The following CSMD1 variants were observed in gnomAD, a reference collection of about 807,000 sequenced individuals.
CSMD1 encodes CUB and Sushi multiple domains 1.
Under a neutral mutation model 417.5 loss-of-function variants are expected in CSMD1, and 213 were observed. The observed-to-expected ratio is 0.51, with a 90% CI of 0.46 to 0.57. The LOEUF (loss-of-function observed/expected upper bound fraction) is 0.57, where lower values mean the gene tolerates loss of function less well. Among genes scored for constraint, CSMD1 ranks in the 20% least tolerant of loss-of-function variants. The probability of loss-of-function intolerance (pLI) is 0.00; values close to 1 mark genes in which losing one functional copy is unlikely to be tolerated. For synonymous variants in CSMD1, 2,862 were observed against 1,736.8 expected, an observed-to-expected ratio of 1.65 and a Z score of -16.11; for missense variants, 6,923 against 4,529.7, an observed-to-expected ratio of 1.53 and a Z score of -15.17.
At chr8:3,226,723 T>C (rs1798527953) in intron 27 of CSMD1, among the ~76,000 whole-genome samples, 1 of 151,616 alleles carries the variant, frequency 6.6e-6, no homozygotes, top group Admixed American at 6.6e-5. Context: ...AAAAGTGAGG[T>C]ATCCAAGCAA....
At chr8:4,868,800 T>C (rs1404469524) in intron 1 of CSMD1, among the ~76,000 whole-genome samples, 1 of 151,684 alleles carries the variant, frequency 6.6e-6, no homozygotes, top group Middle Eastern at 3.2e-3. Context: ...AAAAAGCTTG[T>C]AAAAATATCA....
intron 1 of CSMD1, among the ~76,000 whole-genome samples, chr8:4,984,667 A>G (rs904963010): frequency 1.3e-5 from 2 of 152,210 alleles, no homozygotes; most frequent in African/African-American, 4.8e-5. Flanking sequence ...TGAACTTGCC[A>G]GATAGATGGA....
In CSMD1 at chr8:4,445,893, G is replaced by C. The variant is rs115650094; in HGVS notation, c.303-25828C>G. Among the ~76,000 whole-genome samples the C allele has an allele frequency of 5.3e-3, 810 of 152,294 alleles. 4 individuals carry two copies. Among genetic ancestry groups the C allele is most frequent in the African/African-American group, 0.019 (787 of 41,556 alleles). Reference sequence around the variant, plus strand: ...CTGGAGAAGGGCACAAGAGGAGAGAGCACGGATGCAGGGACGTGACCTGGG... The same window carrying C: ...CTGGAGAAGGGCACAAGAGGAGAGACCACGGATGCAGGGACGTGACCTGGG... On this transcript the variant is annotated intron_variant, in intron 2 of 69. Transcript: ENST00000635120.
intron 48 of CSMD1, among the ~76,000 whole-genome samples, chr8:3,088,129 G>A (rs952359588): frequency 6.6e-6 from 1 of 152,058 alleles, no homozygotes; most frequent in Admixed American, 6.5e-5. Context: ...TCTTTGTAAG[G>A]AGACATTTTA....
At position 3,359,213 on chromosome 8, in the gene CSMD1, G is replaced by T. The variant is rs1298389031; in HGVS notation, c.3243C>A (p.Thr1081=). Residue 1081 remains threonine, a synonymous_variant, in exon 21 of 70, where the codon ACC becomes ACA. Transcript: ENST00000635120. ...GGCCCCCACCCAGGCAGGTAAGCTT[G>T]GTGGCACCTTCTAAACGATATCCCA... The part of the protein sequence containing the change: ...CFLGYRLEGA[T]KLTCLGGGRR... 1 of 1,613,944 alleles carries T rather than the reference G, an allele frequency of 6.2e-7. No individual in the cohort carries two copies. The highest frequency in any genetic ancestry group is 8.5e-7 in the Non-Finnish European group (1 of 1,179,910).
intron 49 of CSMD1, among the ~76,000 whole-genome samples, chr8:3,086,522 C>T (rs1271037328): frequency 6.6e-6 from 1 of 151,860 alleles, no homozygotes; most frequent in Non-Finnish European, 1.5e-5. Context: ...GAATATAAAC[C>T]TTGATAAGAT....
intron 26 of CSMD1, among the ~76,000 whole-genome samples, chr8:3,249,016 T>C (rs543903015): frequency 1.3e-5 from 2 of 152,098 alleles, no homozygotes; most frequent in African/African-American, 2.4e-5. Flanking sequence ...GATGCTGTAA[T>C]TGTCCTGCTC....
intron 6 of CSMD1, among the ~76,000 whole-genome samples, chr8:3,722,440 A>G (rs1487690483): frequency 6.6e-6 from 1 of 152,224 alleles, no homozygotes; most frequent in African/African-American, 2.4e-5. Flanking sequence ...TCTTAAATAA[A>G]TATTAAAAAG....
intron 1 of CSMD1, among the ~76,000 whole-genome samples, chr8:4,665,224 A>G (rs946230152): frequency 7.2e-5 from 11 of 152,160 alleles, no homozygotes; most frequent in African/African-American, 2.6e-4. Context: ...CTGTTCTCCC[A>G]CGACCTTCCT....
chr8:4,252,389 T>C (rs1292509499), intron 3 of CSMD1, among the ~76,000 whole-genome samples: 1 of 152,224 alleles, frequency 6.6e-6, no homozygotes, highest in African/African-American at 2.4e-5. Flanking sequence ...GTATTGTCTT[T>C]TTCCAGTGAT....
intron 1 of CSMD1, among the ~76,000 whole-genome samples, chr8:4,841,227 G>A (rs1304067796): frequency 1.3e-5 from 2 of 152,184 alleles, no homozygotes; most frequent in Non-Finnish European, 2.9e-5. Context: ...AGATAAAAGG[G>A]AAACAAGTGC....
intron 51 of CSMD1, among the ~76,000 whole-genome samples, chr8:3,026,624 C>A (rs1029187077): frequency 1.3e-5 from 2 of 152,186 alleles, no homozygotes; most frequent in Non-Finnish European, 2.9e-5. Context: ...CCTCACCGGG[C>A]CTCCAGCCCT....
chr8:3,239,656 G>A (rs199900323), intron 26 of CSMD1, among the ~76,000 whole-genome samples: 1 of 152,210 alleles, frequency 6.6e-6, no homozygotes, highest in African/African-American at 2.4e-5. Flanking sequence ...TTCTATGATG[G>A]AAAGGAAATG....
intron 51 of CSMD1, among the ~76,000 whole-genome samples, chr8:3,025,394 GTTA>G: frequency 6.6e-6 from 1 of 151,554 alleles, no homozygotes; most frequent in Non-Finnish European, 1.5e-5. Context: ...ATTGTGTGGT[GTTA>G]TTCTGAAACC....
intron 4 of CSMD1, among the ~76,000 whole-genome samples, chr8:4,020,444 A>G (rs1017077458): frequency 7.9e-5 from 12 of 152,308 alleles, no homozygotes; most frequent in Non-Finnish European, 2.9e-5. Flanking sequence ...CTCTATTGAT[A>G]TTATAGGATA....
intron 10 of CSMD1, among the ~76,000 whole-genome samples, chr8:3,512,911 A>G (rs1435300473): frequency 1.3e-5 from 2 of 152,112 alleles, no homozygotes; most frequent in African/African-American, 4.8e-5. Flanking sequence ...AAGGAGGAAG[A>G]TGTAACACGT....
In CSMD1 at chr8:3,872,839, C is replaced by CAA. The variant is rs59622954; in HGVS notation, c.819-118799_819-118798dup. 6.8e-3 allele frequency among the ~76,000 whole-genome samples: 889 copies of CAA among 131,322 alleles called. 11 individuals carry two copies. Among genetic ancestry groups the CAA allele is most frequent in the African/African-American group, 0.015 (554 of 36,200 alleles). The allele number at this position is 131,322 out of a possible 152,430, so 86.2% of individuals were successfully genotyped here. ...AAACAAATTTACAATAAGACAGCTC[C>CAA]AAAAAAAAAAAAGAAAGAAAAAAGA... On this transcript the variant is annotated intron_variant, in intron 5 of 69. Coordinates refer to ENST00000635120, the MANE Select transcript of CSMD1 (RefSeq NM_033225.6).
At chr8:3,966,115 G>C (rs76491493) in intron 5 of CSMD1, among the ~76,000 whole-genome samples, 2 of 152,158 alleles carry the variant, frequency 1.3e-5, no homozygotes, top group African/African-American at 2.4e-5. Context: ...ATAATTTAGG[G>C]AATAGGCTCC....
At chr8:3,504,577 T>C (rs910011014) in intron 10 of CSMD1, among the ~76,000 whole-genome samples, 2 of 152,200 alleles carry the variant, frequency 1.3e-5, no homozygotes, top group African/African-American at 4.8e-5. Context: ...AAGTATTCTG[T>C]TATTTCAAAT....
Sources: gnomAD v4.1 joint callset for allele counts (sites outside exome capture counted in the v4.1 genomes callset) on GRCh38, gnomAD v4.1.1 for gene constraint, MANE v1.5 for transcripts, NCBI Gene and HGNC (gene_info 2026-07-23, HGNC 2026-07-21) for gene names.